UBA2: variants seen among roughly 807,000 people sequenced by gnomAD.
UBA2 encodes the protein SUMO-activating enzyme subunit 2.
A neutral mutation model predicts 77.2 loss-of-function variants in UBA2; 11 were observed. The ratio of observed to expected loss-of-function variants is 0.14; its 90% CI spans 0.09 to 0.24. The LOEUF (loss-of-function observed/expected upper bound fraction) is 0.24. UBA2 is among the 10% of genes least tolerant of loss of function. The probability of loss-of-function intolerance (pLI) is 1.00; values close to 1 mark genes in which losing one functional copy is unlikely to be tolerated. For missense variants in UBA2, 487 were observed against 781.7 expected (o/e 0.62, Z 4.50); for synonymous variants, 278 against 276.7 (o/e 1.00, Z -0.05).
intron 14 of UBA2, among the ~76,000 whole-genome samples, chr19:34,461,673 G>A (rs1365901907): frequency 6.6e-6 from 1 of 152,222 alleles, no homozygotes; most frequent in Admixed American, 6.5e-5. Flanking sequence ...ACCAGAATAT[G>A]TGTGGAGTCC....
At chr19:34,458,740 G>T in intron 12 of UBA2, 29 bp from the exon 13 acceptor site, 2 of 1,594,446 alleles carry the variant, frequency 1.3e-6, no homozygotes, top group East Asian at 2.2e-5. Flanking sequence ...GCACGTTTCC[G>T]ATTTCTGCCT....
At chr19:34,433,117 A>C in intron 3 of UBA2, 1 of 448,926 alleles carries the variant, frequency 2.2e-6, no homozygotes, top group East Asian at 3.9e-5. Context: ...CCAGTTTGAG[A>C]TCTTTCTCTT....
In UBA2 at chr19:34,428,398, C is replaced by T. The variant is rs2075209113; in HGVS notation, c.-35C>T. On this transcript the variant is annotated 5_prime_UTR_variant, in exon 1 of 17. Transcript: ENST00000246548. ...TTCCGGCCGCGGCTCGGTTCTCCCG[C>T]CTCCGCCTCCGCCGCGGCTCGTGGT... is the stretch of plus-strand genomic sequence containing the variant. 8.1e-7 allele frequency: 1 copy of T among 1,236,490 alleles called. No homozygotes were observed. The highest frequency in any genetic ancestry group is 4.2e-5 in the Admixed American group (1 of 23,952). 76.6% of individuals were successfully genotyped at this position (1,236,490 alleles called of 1,614,324 possible).
intron 12 of UBA2, among the ~76,000 whole-genome samples, chr19:34,457,178 AAATATATATATAT>A (rs1428286304): frequency 1.3e-4 from 12 of 89,740 alleles, no homozygotes; most frequent in African/African-American, 3.3e-4. Flanking sequence ...AAAAAAAAAA[AAATATATATATAT>A]ATATATATAT....
intron 6 of UBA2, among the ~76,000 whole-genome samples, chr19:34,442,172 C>G (rs1287633677): frequency 6.6e-6 from 1 of 152,062 alleles, no homozygotes; most frequent in Non-Finnish European, 1.5e-5. Flanking sequence ...GAGGTCGAGG[C>G]TGCAGTGAGC....
chr19:34,459,069 CT>C, intron 13 of UBA2, 145 bp downstream of exon 13: 1 of 841,884 alleles, frequency 1.2e-6, no homozygotes, highest in Middle Eastern at 2.3e-4. Flanking sequence ...TTCTGGATTC[CT>C]GCAGGCTTTT....
Position 34,447,104 on chromosome 19 carries a change from A to T in UBA2, c.771+1983A>T, listed in dbSNP as rs141965926. ...TGCAAGCTGAGGAGCAAGGAGAGCC[A>T]GTCTGAGTCTCAAAACTGGAGAATT... On this transcript the variant is annotated intron_variant, in intron 8 of 16. Coordinates refer to ENST00000246548, the MANE Select transcript of UBA2 (RefSeq NM_005499.3). 9.2e-5 allele frequency among the ~76,000 whole-genome samples: 14 copies of T among 152,298 alleles called. No individual in the cohort carries two copies. In the East Asian group the frequency reaches 2.3e-3, roughly 25 times the overall value.
chr19:34,453,501 A>G (rs1264434118), intron 10 of UBA2, among the ~76,000 whole-genome samples: 2 of 151,232 alleles, frequency 1.3e-5, no homozygotes, highest in Non-Finnish European at 2.9e-5. Flanking sequence ...GTTTTTCTGA[A>G]GTGTTAATGA....
intron 10 of UBA2, among the ~76,000 whole-genome samples, chr19:34,453,804 C>T (rs2075528628): frequency 6.6e-6 from 1 of 152,070 alleles, no homozygotes. Flanking sequence ...CTTGAGACTA[C>T]AGGCATGAGC....
At chr19:34,442,678 G>A (rs1361465790) in intron 6 of UBA2, among the ~76,000 whole-genome samples, 2 of 151,878 alleles carry the variant, frequency 1.3e-5, no homozygotes, top group African/African-American at 2.4e-5. Context: ...TGATCCACCC[G>A]CCTCGGCCTC....
In UBA2 at chr19:34,428,691, G is replaced by A. The variant is rs1599881641; in HGVS notation, c.138+121G>A. The A allele has an allele frequency of 3.3e-6, 4 of 1,208,712 alleles. No individual in the cohort carries two copies. In the African/African-American group the frequency reaches 6.2e-5, roughly 19 times the overall value. 74.9% of individuals were successfully genotyped at this position (1,208,712 alleles called of 1,614,324 possible). On this transcript the variant is annotated intron_variant, in intron 1 of 16. Coordinates refer to ENST00000246548, the MANE Select transcript of UBA2 (RefSeq NM_005499.3). Reference sequence around the variant, plus strand: ...CGGAGCCCGGGACCGGAGTTGCGGAGCGGGGGCAGGCTGAGAGGCTCGGGT... The same window carrying A: ...CGGAGCCCGGGACCGGAGTTGCGGAACGGGGGCAGGCTGAGAGGCTCGGGT...
intron 1 of UBA2, 114 bp from the exon 2 acceptor site, chr19:34,430,462 T>C (rs1026672435): frequency 6.4e-6 from 4 of 622,000 alleles, no homozygotes; most frequent in African/African-American, 3.7e-5. Flanking sequence ...GAAAAACGCT[T>C]TCTCCACTAA....
At chr19:34,448,835 G>A (rs1467738331) in intron 8 of UBA2, among the ~76,000 whole-genome samples, 1 of 152,062 alleles carries the variant, frequency 6.6e-6, no homozygotes, top group Non-Finnish European at 1.5e-5. Context: ...TGAAAAGATG[G>A]TTCAGTACAG....
intron 7 of UBA2, among the ~76,000 whole-genome samples, 193 bp from the exon 8 acceptor site, chr19:34,444,807 C>T (rs1599905710): frequency 6.6e-6 from 1 of 151,976 alleles, no homozygotes; most frequent in Non-Finnish European, 1.5e-5. Context: ...ACTTTGTCTC[C>T]AAAAACAAGA....
At chr19:34,458,558 C>CAAAAAAAA (rs60349858) in intron 12 of UBA2, among the ~76,000 whole-genome samples, 26 of 60,636 alleles carry the variant, frequency 4.3e-4, no homozygotes, top group African/African-American at 2.0e-3. Flanking sequence ...GACTCCGTCT[C>CAAAAAAAA]AAAAAAAAAA....
chr19:34,432,078 T>C (rs879182589), intron 3 of UBA2, 147 bp downstream of exon 3: 2 of 550,698 alleles, frequency 3.6e-6, no homozygotes, highest in Non-Finnish European at 6.3e-6. Flanking sequence ...TGGCATTCTT[T>C]TTACCAGTTC....
intron 15 of UBA2, 24 bp from the exon 16 acceptor site, chr19:34,466,854 G>A: frequency 1.9e-6 from 3 of 1,610,662 alleles, no homozygotes; most frequent in Non-Finnish European, 2.5e-6. Context: ...AGTCATAGCA[G>A]TGACCTGTGT....
intron 7 of UBA2, 122 bp downstream of exon 7, chr19:34,444,033 GTTTTTTTTTTGTTT>G (rs1335912510): frequency 2.4e-4 from 49 of 203,040 alleles, no homozygotes; most frequent in African/African-American, 4.3e-4. Context: ...TTTAACATGT[GTTTTTTTTTTGTTT>G]TTTTTTTTTT....
intron 8 of UBA2, among the ~76,000 whole-genome samples, chr19:34,449,397 C>T (rs911136016): frequency 6.7e-6 from 1 of 150,154 alleles, no homozygotes; most frequent in African/African-American, 2.5e-5. Flanking sequence ...TTGTGATATT[C>T]ACACTAAATT....
Sources: gnomAD v4.1 joint callset for allele counts (sites outside exome capture counted in the v4.1 genomes callset) on GRCh38, gnomAD v4.1.1 for gene constraint, MANE v1.5 for transcripts, NCBI Gene and HGNC (gene_info 2026-07-23, HGNC 2026-07-21) for gene names.